MAP3K2: variants seen among roughly 807,000 people sequenced by gnomAD.
MAP3K2 encodes mitogen-activated protein kinase kinase kinase 2, also known as MAP/ERK kinase kinase 2.
A neutral mutation model predicts 80.3 loss-of-function variants in MAP3K2; 24 were observed. The ratio of observed to expected loss-of-function variants is 0.30; its 90% confidence interval spans 0.22 to 0.42. The LOEUF is 0.42. MAP3K2 is among the 10% of genes least tolerant of loss of function. The pLI, the probability that MAP3K2 is intolerant of heterozygous loss-of-function variation, is 1.00. For missense variants in MAP3K2, 608 were observed against 750.1 expected (o/e 0.81, Z 2.21); for synonymous variants, 244 against 253.7 (o/e 0.96, Z 0.36).
Position 127,300,819 on chromosome 2 carries a change from CCT to C in MAP3K2, c.*6758_*6759del, listed in dbSNP as rs965629195. ...CTCCAGCTCAAATGTTTCAACTAGTCCTCTCTTCTTATTCCAGGTGGAAAAAA... is the reference window on the plus strand; with the variant it reads ...CTCCAGCTCAAATGTTTCAACTAGTCCTCTTCTTATTCCAGGTGGAAAAAA... On this transcript the variant is annotated 3_prime_UTR_variant, in exon 17 of 17. Transcript: ENST00000682094. The C allele has an allele frequency of 6.6e-5, 10 of 152,138 alleles. No individual in the cohort carries two copies. The highest frequency in any genetic ancestry group is 1.9e-4 in the African/African-American group (8 of 41,436). 9.4% of individuals were successfully genotyped at this position (152,138 alleles called of 1,614,324 possible).
Position 127,307,937 on chromosome 2 carries a change from T to C in MAP3K2, c.1635-133A>G. 2 of 589,068 alleles carry C rather than the reference T, an allele frequency of 3.4e-6. No homozygotes were observed. Among genetic ancestry groups the C allele is most frequent in the South Asian group, 5.4e-5 (2 of 37,190 alleles). The allele number at this position is 589,068 out of a possible 1,614,324, so 36.5% of individuals were successfully genotyped here. A position where few individuals can be genotyped will look rare whatever the true frequency, so the allele number is the denominator to read the frequency against. Reference sequence around the variant, plus strand: ...CTTAATTTCAAGTTCAAAGTTTCATTAAAAAGTTCTAATTTCGTAAAACTA... The same window carrying C: ...CTTAATTTCAAGTTCAAAGTTTCATCAAAAAGTTCTAATTTCGTAAAACTA... On this transcript the variant is annotated intron_variant, in intron 16 of 16. Coordinates refer to ENST00000682094, the MANE Select transcript of MAP3K2 (RefSeq NM_001371910.2). The surrounding 1 kb of genome is among the most constrained non-coding windows in gnomAD (Gnocchi z 5.4).
rs765765647 is a variant in MAP3K2, at chr2:127,330,019, G to A, written c.379-11C>T. The A allele has an allele frequency of 2.7e-6, 4 of 1,493,030 alleles. No homozygotes were observed. The highest frequency in any genetic ancestry group is 1.4e-5 in the African/African-American group (1 of 72,602). The allele number at this position is 1,493,030 out of a possible 1,614,324, so 92.5% of individuals were successfully genotyped here. A position where few individuals can be genotyped will look rare whatever the true frequency, so the allele number is the denominator to read the frequency against. ...TTCTAAATTAGTAGCCTACAAAGGA[G>A]AAAAGACAGTTAATGCTATTCTTCC... On this transcript the variant is annotated splice_polypyrimidine_tract_variant and intron_variant, in intron 6 of 16. Coordinates refer to ENST00000682094, the MANE Select transcript of MAP3K2 (RefSeq NM_001371910.2).
chr2:127,311,829 T>C (rs1050860626), intron 15 of MAP3K2, among the ~76,000 whole-genome samples: 2 of 152,232 alleles, frequency 1.3e-5, no homozygotes, highest in African/African-American at 4.8e-5. Context: ...ATGAAGTCCA[T>C]ACATTGGGAG....
rs762812249 is a variant in MAP3K2 at position 127,326,789 on chromosome 2, A to T, written c.495T>A (p.Pro165=). Reference sequence around the variant, plus strand: ...ATTCATCTGGAATGTAACCTGGGGGAGGAGAACTTCTATCTCTACTAGTAG... The same window carrying T: ...ATTCATCTGGAATGTAACCTGGGGGTGGAGAACTTCTATCTCTACTAGTAG... The part of the protein sequence containing the change: ...IGPTSRDRSS[P]PPGYIPDELH... The change falls in exon 8 of 17, where the codon CCT becomes CCA. Residue 165 remains proline, a synonymous_variant. Coordinates refer to ENST00000682094, the MANE Select transcript of MAP3K2 (RefSeq NM_001371910.2). The T allele has an allele frequency of 6.3e-7, 1 of 1,597,536 alleles. No individual in the cohort carries two copies. Among genetic ancestry groups the T allele is most frequent in the East Asian group, 2.3e-5 (1 of 44,386 alleles).
In MAP3K2 at chr2:127,304,193, C is replaced by A. The variant is rs1458152340; in HGVS notation, c.*3386G>T. The A allele has an allele frequency of 6.6e-6, 1 of 152,060 alleles. No homozygotes were observed. Among genetic ancestry groups the A allele is most frequent in the Non-Finnish European group, 1.5e-5 (1 of 67,988 alleles). 9.4% of individuals were successfully genotyped at this position (152,060 alleles called of 1,614,324 possible). ...TTTTAAAACTTTCTAAGGCAATAGT[C>A]ATTTTTTTAAGTTAGAAAGATGTTT... On this transcript the variant is annotated 3_prime_UTR_variant, in exon 17 of 17. Transcript: ENST00000682094.
At chr2:127,341,517 G>GTTTT (rs71336233) in intron 2 of MAP3K2, among the ~76,000 whole-genome samples, 1 of 121,204 alleles carries the variant, frequency 8.3e-6, no homozygotes. Context: ...AGTACAATGG[G>GTTTT]TTTTTTTTTG....
rs1376624133 is a variant in MAP3K2 at position 127,307,193 on chromosome 2, CCTT to C, written c.*383_*385del. 6.5e-6 allele frequency: 1 copy of C among 153,752 alleles called. No homozygotes were observed. The highest frequency in any genetic ancestry group is 2.4e-5 in the African/African-American group (1 of 41,398). 9.5% of individuals were successfully genotyped at this position (153,752 alleles called of 1,614,324 possible). The stretch of plus-strand genomic sequence containing the variant: ...TACAAATTATACATCATTTTCTTCT[CCTT>C]GTTTTCCATGTCTTCCCATCGTCAC... On this transcript the variant is annotated 3_prime_UTR_variant, in exon 17 of 17. Coordinates refer to ENST00000682094, the MANE Select transcript of MAP3K2 (RefSeq NM_001371910.2). The surrounding 1 kb of genome is among the most constrained non-coding windows in gnomAD (Gnocchi z 5.4).
Position 127,361,511 on chromosome 2 carries a change from A to G in MAP3K2, c.-65-18317T>C, listed in dbSNP as rs1418252326. ...TATGTAATCTCAAATTGTTTGAATG[A>G]TCACACTCCACATAAAGTGGCAGTC... On this transcript the variant is annotated intron_variant, in intron 1 of 16. Transcript: ENST00000682094. Among the ~76,000 whole-genome samples, 8 of 152,310 alleles carry G rather than the reference A, an allele frequency of 5.3e-5. 1 individual carries two copies. The highest frequency in any genetic ancestry group is 5.2e-4 in the Admixed American group (8 of 15,302).
chr2:127,376,887 G>C (rs925944237), intron 1 of MAP3K2, among the ~76,000 whole-genome samples: 1 of 151,948 alleles, frequency 6.6e-6, no homozygotes, highest in African/African-American at 2.4e-5. Context: ...GCAATACAGA[G>C]ACCCTACCTC....
At chr2:127,360,419 G>A (rs570702539) in intron 1 of MAP3K2, among the ~76,000 whole-genome samples, 1 of 151,014 alleles carries the variant, frequency 6.6e-6, no homozygotes, top group Non-Finnish European at 1.5e-5. Context: ...AACGGATAGA[G>A]GTAAGACAGT....
intron 4 of MAP3K2, among the ~76,000 whole-genome samples, chr2:127,336,934 A>C (rs922923429): frequency 3.9e-5 from 6 of 152,182 alleles, no homozygotes; most frequent in Non-Finnish European, 8.8e-5. Flanking sequence ...TGAGGTCAGG[A>C]GTTCGAGACC....
chr2:127,342,072 T>C lies in MAP3K2; in HGVS notation c.4+1054A>G, dbSNP rs556357849. The stretch of plus-strand genomic sequence containing the variant: ...TTAAGCAATGAATGTTGCCCTACTA[T>C]AGAGCAGTATTATTTGAGGCTGACA... On this transcript the variant is annotated intron_variant, in intron 2 of 16. Coordinates refer to ENST00000682094, the MANE Select transcript of MAP3K2 (RefSeq NM_001371910.2). Among the ~76,000 whole-genome samples, 426 of 152,318 alleles carry C rather than the reference T, an allele frequency of 2.8e-3. 1 individual carries two copies. Among genetic ancestry groups the C allele is most frequent in the Non-Finnish European group, 4.7e-3 (319 of 68,032 alleles).
chr2:127,318,199 T>C lies in MAP3K2; in HGVS notation c.1164A>G (p.Gln388=), dbSNP rs558423433. 9 of 1,609,410 alleles carry C rather than the reference T, an allele frequency of 5.6e-6. No individual in the cohort carries two copies. Among genetic ancestry groups the C allele is most frequent in the Middle Eastern group, 1.7e-4 (1 of 6,052 alleles). ...TGRELAVKQV[Q]FDPDSPETSK... Reference sequence around the variant, plus strand: ...TGGTCTCAGGACTATCGGGGTCAAATTGAACTTGCTTAACAGCCAATTCTC... The same window carrying C: ...TGGTCTCAGGACTATCGGGGTCAAACTGAACTTGCTTAACAGCCAATTCTC... Residue 388 remains glutamine (Q), a synonymous_variant, in exon 13 of 17, where the codon CAA becomes CAG. Transcript: ENST00000682094.
chr2:127,335,853 A>C lies in MAP3K2; in HGVS notation c.264+17T>G. The stretch of plus-strand genomic sequence containing the variant: ...TTTGAAGGTAAGATCTACTAAAGTT[A>C]AACTGTACATGTTTACCTCGTTATT... On this transcript the variant is annotated intron_variant, in intron 5 of 16. Transcript: ENST00000682094. The C allele has an allele frequency of 7.1e-7, 1 of 1,407,472 alleles. No homozygotes were observed. The highest frequency in any genetic ancestry group is 9.8e-7 in the Non-Finnish European group (1 of 1,018,804). 87.2% of individuals were successfully genotyped at this position (1,407,472 alleles called of 1,614,324 possible). A position where few individuals can be genotyped will look rare whatever the true frequency, so the allele number is the denominator to read the frequency against.
chr2:127,324,282 G>T (rs779768302), intron 9 of MAP3K2, 41 bp from the exon 10 acceptor site: 3 of 1,201,270 alleles, frequency 2.5e-6, no homozygotes, highest in East Asian at 2.6e-5. Flanking sequence ...CAGAAAGAAC[G>T]TAAGACATTA....
intron 15 of MAP3K2, among the ~76,000 whole-genome samples, chr2:127,314,142 T>C (rs1685856351): frequency 6.6e-6 from 1 of 152,206 alleles, no homozygotes; most frequent in Non-Finnish European, 1.5e-5. Context: ...ACCTACATCC[T>C]TTATCCCTGC....
intron 1 of MAP3K2, among the ~76,000 whole-genome samples, chr2:127,371,473 G>T (rs1687063496): frequency 6.6e-6 from 1 of 152,170 alleles, no homozygotes; most frequent in African/African-American, 2.4e-5. Context: ...GCCATTTGTT[G>T]AATTTATCAA....
In MAP3K2 at chr2:127,318,073, G is replaced by C. The variant is rs555440665; in HGVS notation, c.1194+96C>G. On this transcript the variant is annotated intron_variant, in intron 13 of 16. Coordinates refer to ENST00000682094, the MANE Select transcript of MAP3K2 (RefSeq NM_001371910.2). ...CTTTTTTTTTTTTTTGAAAAAAAAT[G>C]CTTCTTATTTAGAATGGAAGGGGCT... 3.4e-5 allele frequency: 28 copies of C among 822,236 alleles called. No individual in the cohort carries two copies. The Admixed American group carries it at 6.0e-4, about 18-fold the overall frequency. The allele number at this position is 822,236 out of a possible 1,614,324, so 50.9% of individuals were successfully genotyped here.
intron 1 of MAP3K2, among the ~76,000 whole-genome samples, chr2:127,380,250 G>C (rs773111236): frequency 8.5e-5 from 13 of 152,202 alleles, no homozygotes; most frequent in Admixed American, 3.9e-4. Context: ...AATGATTATA[G>C]TGCAATGTGG....
Sources: allele counts gnomAD v4.1 joint callset (sites outside exome capture counted in the v4.1 genomes callset), GRCh38; gene constraint gnomAD v4.1.1; non-coding constraint Gnocchi (gnomAD v3.1); transcripts MANE v1.5; gene names NCBI Gene and HGNC (gene_info 2026-07-23, HGNC 2026-07-21).